The following CNTN5 variants were observed in gnomAD, a reference collection of about 807,000 sequenced individuals.
The protein encoded by CNTN5 is contactin 5.
In CNTN5, 77 loss-of-function variants were observed where a neutral mutation model predicts 129.1. That is an observed-to-expected ratio of 0.60 (90% CI 0.50 to 0.72). The LOEUF (loss-of-function observed/expected upper bound fraction) is 0.72, where lower values mean the gene tolerates loss of function less well. Among genes scored for constraint, CNTN5 ranks in the 30% least tolerant of loss-of-function variants. CNTN5 has a pLI of 0.00. For synonymous variants in CNTN5, 509 were observed against 465.6 expected (o/e 1.09, Z -1.20); for missense variants, 1,478 against 1,328.8 (o/e 1.11, Z -1.75).
chr11:100,234,717 G>T (rs1158690653), intron 16 of CNTN5, among the ~76,000 whole-genome samples: 1 of 150,240 alleles, frequency 6.7e-6, no homozygotes, highest in African/African-American at 2.5e-5. Flanking sequence ...ACAGGTTGAC[G>T]GGTGCAGCAA....
intron 13 of CNTN5, among the ~76,000 whole-genome samples, chr11:100,146,939 A>G (rs1269891132): frequency 1.3e-5 from 2 of 152,188 alleles, no homozygotes; most frequent in African/African-American, 4.8e-5. Flanking sequence ...ATCATTGCCT[A>G]TAATCTAAGC....
intron 15 of CNTN5, among the ~76,000 whole-genome samples, chr11:100,213,158 A>T (rs552474425): frequency 6.6e-6 from 1 of 152,156 alleles, no homozygotes. Flanking sequence ...TTTATTTTGT[A>T]TAACTAGTTC....
chr11:99,968,091 G>A (rs1185471232), intron 8 of CNTN5, among the ~76,000 whole-genome samples: 10 of 151,874 alleles, frequency 6.6e-5, no homozygotes, highest in Admixed American at 3.3e-4. Context: ...ACACAACCAG[G>A]CTTCTCACCT....
intron 3 of CNTN5, among the ~76,000 whole-genome samples, chr11:99,736,170 CTA>C (rs1365580292): frequency 6.6e-6 from 1 of 152,180 alleles, no homozygotes; most frequent in African/African-American, 2.4e-5. Context: ...AAGCAGAACT[CTA>C]TTACTTGCAG....
intron 7 of CNTN5, among the ~76,000 whole-genome samples, chr11:99,930,897 A>G (rs1467637317): frequency 6.6e-6 from 1 of 152,174 alleles, no homozygotes; most frequent in East Asian, 1.9e-4. Context: ...CAGGCAACAT[A>G]GACAATACAA....
In CNTN5 at chr11:99,392,395, C is replaced by T. The variant is rs1007371401; in HGVS notation, c.-71+66911C>T. On this transcript the variant is annotated intron_variant, in intron 2 of 24. Transcript: ENST00000524871. ...GTTGATAAAAGTGCCACCCCTCCTTCATAGGATTTAGATGAAATTGAAAAT... is the reference window on the plus strand; with the variant it reads ...GTTGATAAAAGTGCCACCCCTCCTTTATAGGATTTAGATGAAATTGAAAAT... 2.6e-5 allele frequency among the ~76,000 whole-genome samples: 4 copies of T among 151,828 alleles called. No individual in the cohort carries two copies. The East Asian group carries it at 7.7e-4, about 29-fold the overall frequency.
At chr11:100,266,630 CTT>C (rs5794047) in intron 17 of CNTN5, among the ~76,000 whole-genome samples, 2 of 140,832 alleles carry the variant, frequency 1.4e-5, no homozygotes, top group African/African-American at 5.2e-5. Context: ...ATTTCCAAAT[CTT>C]TTTTTTTTTT....
chr11:99,814,549 A>C (rs1946522996), intron 3 of CNTN5, among the ~76,000 whole-genome samples: 1 of 151,776 alleles, frequency 6.6e-6, no homozygotes, highest in Non-Finnish European at 1.5e-5. Flanking sequence ...AGTTGGACTT[A>C]AATTAGCAGG....
intron 1 of CNTN5, among the ~76,000 whole-genome samples, chr11:99,255,811 C>T (rs1862350379): frequency 6.6e-6 from 1 of 151,428 alleles, no homozygotes; most frequent in Admixed American, 6.6e-5. Flanking sequence ...CACACACACA[C>T]ACACGCACAC....
chr11:100,242,601 T>C (rs1949764743), intron 16 of CNTN5, among the ~76,000 whole-genome samples: 1 of 152,128 alleles, frequency 6.6e-6, no homozygotes. Context: ...GCGGTGCTGC[T>C]ACACACTTGT....
intron 1 of CNTN5, among the ~76,000 whole-genome samples, chr11:99,058,099 G>A (rs1202203230): frequency 6.6e-6 from 1 of 151,932 alleles, no homozygotes; most frequent in Non-Finnish European, 1.5e-5. Context: ...TTGAAGGGAT[G>A]ACGACAGAAA....
intron 3 of CNTN5, among the ~76,000 whole-genome samples, chr11:99,640,652 GC>G (rs768560479): frequency 1.3e-5 from 2 of 152,092 alleles, no homozygotes; most frequent in Non-Finnish European, 1.5e-5. Flanking sequence ...TGTTATAATT[GC>G]CTACAGTATT....
chr11:99,682,272 CAAAAT>C (rs1464063072), intron 3 of CNTN5, among the ~76,000 whole-genome samples: 1 of 151,128 alleles, frequency 6.6e-6, no homozygotes, highest in Non-Finnish European at 1.5e-5. Context: ...TACATTCTGG[CAAAAT>C]AAAGTATTCA....
chr11:99,357,542 T>C (rs1250447214), intron 2 of CNTN5, among the ~76,000 whole-genome samples: 2 of 145,218 alleles, frequency 1.4e-5, no homozygotes, highest in Non-Finnish European at 3.0e-5. Flanking sequence ...TAACACAGCA[T>C]TGATAATGAT....
intron 20 of CNTN5, among the ~76,000 whole-genome samples, chr11:100,304,621 G>T (rs1409649848): frequency 6.6e-6 from 1 of 151,526 alleles, no homozygotes; most frequent in Non-Finnish European, 1.5e-5. Flanking sequence ...ATTCTTGAGA[G>T]AAGTTAGATG....
chr11:99,319,645 C>T (rs12809020), intron 1 of CNTN5, among the ~76,000 whole-genome samples: 36,906 of 152,030 alleles, frequency 0.24, 5,097 homozygotes, highest in South Asian at 0.32. Flanking sequence ...ACATTATTGA[C>T]ATCAATTAGT....
chr11:99,387,248 C>A (rs1437329046), intron 2 of CNTN5, among the ~76,000 whole-genome samples: 2 of 152,020 alleles, frequency 1.3e-5, no homozygotes, highest in Non-Finnish European at 1.5e-5. Context: ...ATTCTATCCC[C>A]CCAAAATTTC....
At chr11:99,120,903 A>C in intron 1 of CNTN5, among the ~76,000 whole-genome samples, 1 of 152,176 alleles carries the variant, frequency 6.6e-6, no homozygotes, top group African/African-American at 2.4e-5. Context: ...TAATTTACCC[A>C]GGCTTATATA....
chr11:99,113,700 A>G (rs1857906856), intron 1 of CNTN5, among the ~76,000 whole-genome samples: 1 of 152,102 alleles, frequency 6.6e-6, no homozygotes, highest in Admixed American at 6.6e-5. Context: ...TGAAGTTGAG[A>G]ATTTTCTACC....
Sources: allele counts gnomAD v4.1 joint callset (sites outside exome capture counted in the v4.1 genomes callset), GRCh38; gene constraint gnomAD v4.1.1; transcripts MANE v1.5; gene names NCBI Gene and HGNC (gene_info 2026-07-23, HGNC 2026-07-21).